Variants in RBM22 observed in about 807,000 individuals in gnomAD.
RBM22 encodes pre-mRNA-splicing factor RBM22.
In RBM22, 1 loss-of-function variant was observed where a neutral mutation model predicts 50.1. That is an observed-to-expected ratio of 0.02 (90% CI 0.01 to 0.09). RBM22 has a LOEUF of 0.09. Ranked by LOEUF, RBM22 falls within the 10% of genes least tolerant of loss-of-function variation. The probability of loss-of-function intolerance (pLI) is 1.00; values close to 1 mark genes in which losing one functional copy is unlikely to be tolerated. For synonymous variants in RBM22, 152 were observed against 179.0 expected (o/e 0.85, Z 1.20); for missense variants, 264 against 529.3 (o/e 0.50, Z 4.92).
chr5:150,691,655 G>T lies in RBM22; in HGVS notation c.*96C>A, dbSNP rs974451557. 1 of 1,335,378 alleles carries T rather than the reference G, an allele frequency of 7.5e-7. No homozygotes were observed. The highest frequency in any genetic ancestry group is 1.5e-5 in the African/African-American group (1 of 67,180). The allele number at this position is 1,335,378 out of a possible 1,614,324, so 82.7% of individuals were successfully genotyped here. On this transcript the variant is annotated 3_prime_UTR_variant, in exon 11 of 11. Transcript: ENST00000199814. Reference sequence around the variant, plus strand: ...CATCTGAGCACATTCAGCTACCATGGAAACTACAAGGGAAGGAAAAATATA... The same window carrying T: ...CATCTGAGCACATTCAGCTACCATGTAAACTACAAGGGAAGGAAAAATATA...
At chr5:150,695,292 A>G in intron 7 of RBM22, 1 of 546,740 alleles carries the variant, frequency 1.8e-6, no homozygotes, top group Non-Finnish European at 3.2e-6. Context: ...TTGAGATTAC[A>G]GGCATGAGGC....
At position 150,698,795 on chromosome 5, in the gene RBM22, T is replaced by C. The variant is rs79455991; in HGVS notation, c.139-164A>G. ...TGATGTTTCAATACAATTTTCAGCA[T>C]CCTTCTCCAGCAAAAATTCAGAGTA... is the stretch of plus-strand genomic sequence containing the variant. On this transcript the variant is annotated intron_variant, in intron 3 of 10. Coordinates refer to ENST00000199814, the MANE Select transcript of RBM22 (RefSeq NM_018047.3). Among the ~76,000 whole-genome samples the C allele has an allele frequency of 5.4e-3, 819 of 152,298 alleles. 7 individuals carry two copies. Among genetic ancestry groups the C allele is most frequent in the African/African-American group, 0.019 (787 of 41,558 alleles).
At chr5:150,692,814 T>C (rs1759225616) in intron 10 of RBM22, 81 bp downstream of exon 10, 4 of 1,381,060 alleles carry the variant, frequency 2.9e-6, no homozygotes, top group East Asian at 2.4e-5. Context: ...AGGATTTGGA[T>C]GTGTTGAACA....
In RBM22 at chr5:150,699,885, C is replaced by T. The variant is rs532137713; in HGVS notation, c.108+559G>A. ...TTCTGTTTAAACAGAACTATTCAAA[C>T]ATCTTGAACCATTCAAACATCGTGA... On this transcript the variant is annotated intron_variant, in intron 2 of 10. Coordinates refer to ENST00000199814, the MANE Select transcript of RBM22 (RefSeq NM_018047.3). Among the ~76,000 whole-genome samples the T allele has an allele frequency of 5.3e-5, 8 of 152,346 alleles. No individual in the cohort carries two copies. In the East Asian group the frequency reaches 5.8e-4, roughly 11 times the overall value.
rs1759202115 is a variant in RBM22, at chr5:150,691,114, T to C, written c.*637A>G. On this transcript the variant is annotated 3_prime_UTR_variant, in exon 11 of 11. Transcript: ENST00000199814. ...CCATGAAATTTGTGTTTCCATCCAG[T>C]TGACAGGAATAAAAAGGAATTTTTA... 2 of 152,380 alleles carry C rather than the reference T, an allele frequency of 1.3e-5. No individual in the cohort carries two copies. The highest frequency in any genetic ancestry group is 4.1e-4 in the South Asian group (2 of 4,836). The allele number at this position is 152,380 out of a possible 1,614,324, so 9.4% of individuals were successfully genotyped here.
Position 150,696,488 on chromosome 5 carries a change from A to C in RBM22, c.545+45T>G, listed in dbSNP as rs931336978. The C allele has an allele frequency of 3.2e-6, 5 of 1,565,402 alleles. No individual in the cohort carries two copies. Among genetic ancestry groups the C allele is most frequent in the Non-Finnish European group, 3.5e-6 (4 of 1,145,848 alleles). The stretch of plus-strand genomic sequence containing the variant: ...GTTAGGACCTCCCACTTCTTAGATG[A>C]GAAATCATCTGAAAGCAAATACTGA... On this transcript the variant is annotated intron_variant, in intron 6 of 10. Coordinates refer to ENST00000199814, the MANE Select transcript of RBM22 (RefSeq NM_018047.3). The surrounding 1 kb of genome is among the most constrained non-coding windows in gnomAD (Gnocchi z 4.3).
At chr5:150,699,366 TG>T (rs1321400369) in intron 2 of RBM22, 95 bp from the exon 3 acceptor site, 2 of 1,430,162 alleles carry the variant, frequency 1.4e-6, no homozygotes, top group Non-Finnish European at 1.9e-6. Flanking sequence ...GAAATGTGTC[TG>T]GAAATCCCTG....
At position 150,696,410 on chromosome 5, in the gene RBM22, G is replaced by C; in HGVS notation, c.545+123C>G. Reference sequence around the variant, plus strand: ...TAAATTTCATAGTTCTAAGACATGAGGTATACCACATTAGTTGTATGACCT... The same window carrying C: ...TAAATTTCATAGTTCTAAGACATGACGTATACCACATTAGTTGTATGACCT... On this transcript the variant is annotated intron_variant, in intron 6 of 10. Coordinates refer to ENST00000199814, the MANE Select transcript of RBM22 (RefSeq NM_018047.3). The surrounding 1 kb of genome is among the most constrained non-coding windows in gnomAD (Gnocchi z 4.3). 1 of 1,065,856 alleles carries C rather than the reference G, an allele frequency of 9.4e-7. No individual in the cohort carries two copies. Among genetic ancestry groups the C allele is most frequent in the Non-Finnish European group, 1.4e-6 (1 of 737,300 alleles). The allele number at this position is 1,065,856 out of a possible 1,614,324, so 66.0% of individuals were successfully genotyped here.
Position 150,696,563 on chromosome 5 carries a change from T to C in RBM22, c.515A>G (p.Glu172Gly), listed in dbSNP as rs755697488. The C allele has an allele frequency of 6.2e-7, 1 of 1,613,818 alleles. No homozygotes were observed. The highest frequency in any genetic ancestry group is 8.5e-7 in the Non-Finnish European group (1 of 1,179,960). Residue 172 changes from glutamate to glycine, a missense_variant, in exon 6 of 11, where the codon GAG becomes GGG. By Grantham distance (98) the Glu-to-Gly change is moderately conservative (BLOSUM62 -2). Around this residue, in one of 7 missense-constraint regions of RBM22, gnomAD observed 7 missense variants for 50.6 expected, o/e 0.14. Coordinates refer to ENST00000199814, the MANE Select transcript of RBM22 (RefSeq NM_018047.3). The surrounding 1 kb of genome is among the most constrained non-coding windows in gnomAD (Gnocchi z 4.3). ...PHICSFWVKG[E>G]CKRGEECPYR... ...TGGACATTCCTCTCCTCTCTTACAC[T>C]CTCCTTTCACCCAGAAGGAGCAAAT...
chr5:150,697,960 G>C (rs1428714369), intron 4 of RBM22, among the ~76,000 whole-genome samples: 1 of 152,118 alleles, frequency 6.6e-6, no homozygotes, highest in Non-Finnish European at 1.5e-5. Context: ...CTCAAAACCA[G>C]CCTGGGCAAA....
rs201686240 is a variant in RBM22, at chr5:150,698,486, A to G, written c.271+13T>C. On this transcript the variant is annotated intron_variant, in intron 4 of 10. Transcript: ENST00000199814. The stretch of plus-strand genomic sequence containing the variant: ...CTGCACACTTTCAGATTTATTGGAC[A>G]GGTCAAACATACCATACTCTAGGTC... 35 of 1,612,210 alleles carry G rather than the reference A, an allele frequency of 2.2e-5. No individual in the cohort carries two copies. The African/African-American group carries it at 3.5e-4, about 16-fold the overall frequency.
At chr5:150,699,907 G>A (rs946092466) in intron 2 of RBM22, among the ~76,000 whole-genome samples, 1 of 152,134 alleles carries the variant, frequency 6.6e-6, no homozygotes, top group South Asian at 2.1e-4. Context: ...TTCAAACATC[G>A]TGAACATACT....
In RBM22 at chr5:150,691,616, T is replaced by A. The variant is rs1759210128; in HGVS notation, c.*135A>T. On this transcript the variant is annotated 3_prime_UTR_variant, in exon 11 of 11. Transcript: ENST00000199814. ...AAGTATAGGAAAGCATGGCTGTCAG[T>A]CTCTGACTGCTCACATCTGAGCACA... is the stretch of plus-strand genomic sequence containing the variant. The A allele has an allele frequency of 1.9e-6, 2 of 1,076,580 alleles. No homozygotes were observed. 66.7% of individuals were successfully genotyped at this position (1,076,580 alleles called of 1,614,324 possible). A position where few individuals can be genotyped will look rare whatever the true frequency, so the allele number is the denominator to read the frequency against.
In RBM22 at chr5:150,699,101, A is replaced by G; in HGVS notation, c.138+141T>C. ...CTCCCACATAAACAGTTGCCAGCCA[A>G]TGAATATATCAGTAATACATAAAAA... On this transcript the variant is annotated intron_variant, in intron 3 of 10. Transcript: ENST00000199814. 2.5e-6 allele frequency: 3 copies of G among 1,195,586 alleles called. No individual in the cohort carries two copies. The South Asian group carries it at 4.6e-5, about 18-fold the overall frequency. The allele number at this position is 1,195,586 out of a possible 1,614,324, so 74.1% of individuals were successfully genotyped here.
chr5:150,695,520 A>G lies in RBM22; in HGVS notation c.732T>C (p.Thr244=). The change falls in exon 7 of 11, where the codon ACT becomes ACC. Residue 244 remains threonine, a synonymous_variant. Transcript: ENST00000199814. ...TACCCACAAACCTTAAATCTGTCTC[A>G]GTAATGGTATCACCTAGACCACCAA... The part of the protein sequence containing the change: ...LYVGGLGDTI[T]ETDLRNHFYQ... 2 of 1,613,300 alleles carry G rather than the reference A, an allele frequency of 1.2e-6. No homozygotes were observed. Among genetic ancestry groups the G allele is most frequent in the Non-Finnish European group, 1.7e-6 (2 of 1,179,360 alleles).
At chr5:150,692,476 T>C (rs1219555338) in intron 10 of RBM22, among the ~76,000 whole-genome samples, 1 of 152,156 alleles carries the variant, frequency 6.6e-6, no homozygotes, top group Non-Finnish European at 1.5e-5. Context: ...AACAAGACTT[T>C]CTCAATGAAG....
At chr5:150,694,654 G>C (rs188356455) in intron 7 of RBM22, 4 of 156,334 alleles carry the variant, frequency 2.6e-5, no homozygotes, top group African/African-American at 9.6e-5. Context: ...CTCTTACAGC[G>C]AAAGTCTGCC....
intron 1 of RBM22, 143 bp from the exon 2 acceptor site, chr5:150,700,640 G>C (rs1561680004): frequency 1.3e-6 from 2 of 1,533,246 alleles, no homozygotes; most frequent in Middle Eastern, 1.7e-4. Flanking sequence ...ACCCGATCGC[G>C]GGAGGGGGCG....
chr5:150,699,202 A>G (rs768632279), intron 3 of RBM22, 40 bp downstream of exon 3: 1 of 1,566,906 alleles, frequency 6.4e-7, no homozygotes, highest in South Asian at 1.2e-5. Context: ...AGAAAAGAAA[A>G]ATGAAACAGA....
Sources: allele counts gnomAD v4.1 joint callset (sites outside exome capture counted in the v4.1 genomes callset), GRCh38; gene constraint gnomAD v4.1.1; regional missense constraint gnomAD v4.1.1; non-coding constraint Gnocchi (gnomAD v3.1); transcripts MANE v1.5; gene names NCBI Gene and HGNC (gene_info 2026-07-23, HGNC 2026-07-21).